EIF3H: variants seen among roughly 807,000 people sequenced by gnomAD.
EIF3H encodes the protein eIF-3-gamma.
A neutral mutation model predicts 44.2 loss-of-function variants in EIF3H; 26 were observed. The ratio of observed to expected loss-of-function variants is 0.59; its 90% CI spans 0.43 to 0.82. The LOEUF (loss-of-function observed/expected upper bound fraction) is 0.82. Among genes scored for constraint, EIF3H ranks in the 40% least tolerant of loss-of-function variants. EIF3H has a pLI of 0.00. For synonymous variants in EIF3H, 166 were observed against 151.9 expected (o/e 1.09, Z -0.68); for missense variants, 359 against 432.8 (o/e 0.83, Z 1.51).
intron 1 of EIF3H, among the ~76,000 whole-genome samples, chr8:116,727,283 A>G (rs1476409845): frequency 1.3e-5 from 2 of 152,200 alleles, no homozygotes; most frequent in African/African-American, 2.4e-5. Flanking sequence ...ACGAAGCTAA[A>G]AAAAGGCAGC....
intron 7 of EIF3H, 99 bp from the exon 8 acceptor site, chr8:116,645,202 C>A: frequency 2.3e-6 from 2 of 861,372 alleles, no homozygotes; most frequent in Non-Finnish European, 3.7e-6. Flanking sequence ...AACAGAATCA[C>A]CTGTTTATTG....
chr8:116,761,266 C>T (rs1479231262), intron 1 of EIF3H, among the ~76,000 whole-genome samples: 2 of 152,096 alleles, frequency 1.3e-5, no homozygotes, highest in Non-Finnish European at 2.9e-5. Context: ...AATCCCAGCA[C>T]TTTAGGAGGC....
At position 116,642,909 on chromosome 8, in the gene EIF3H, CAT is replaced by C. The variant is rs1431026906; in HGVS notation, c.*2095_*2096del. 5 of 152,268 alleles carry C rather than the reference CAT, an allele frequency of 3.3e-5. No individual in the cohort carries two copies. The highest frequency in any genetic ancestry group is 7.3e-5 in the Non-Finnish European group (5 of 68,030). 9.4% of individuals were successfully genotyped at this position (152,268 alleles called of 1,614,324 possible). A position where few individuals can be genotyped will look rare whatever the true frequency, so the allele number is the denominator to read the frequency against. Reference sequence around the variant, plus strand: ...TGAAATCTTTCATTAAGTGTGTATTCATGTTACCAAGATATAGAAATCTAAAC... The same window carrying C: ...TGAAATCTTTCATTAAGTGTGTATTCGTTACCAAGATATAGAAATCTAAAC... On this transcript the variant is annotated 3_prime_UTR_variant, in exon 8 of 8. Coordinates refer to ENST00000521861, the MANE Select transcript of EIF3H (RefSeq NM_003756.3).
At position 116,656,005 on chromosome 8, in the gene EIF3H, T is replaced by C; in HGVS notation, c.558A>G (p.Ala186=). The part of the protein sequence containing the change: ...VCKEKDFSPE[A]LKKANITFEY... ...CAAAGGTGATATTTGCTTTTTTCAA[T>C]CTGTGAAGCATGTTAAAAATACTTT... Residue 186 remains alanine, a splice_region_variant and synonymous_variant, in exon 5 of 8, where the codon GCA becomes GCG. Coordinates refer to ENST00000521861, the MANE Select transcript of EIF3H (RefSeq NM_003756.3). 1.2e-6 allele frequency: 2 copies of C among 1,613,032 alleles called. No individual in the cohort carries two copies. Among genetic ancestry groups the C allele is most frequent in the Non-Finnish European group, 1.7e-6 (2 of 1,179,488 alleles).
chr8:116,694,763 T>A (rs562639526), intron 2 of EIF3H, among the ~76,000 whole-genome samples: 1 of 152,212 alleles, frequency 6.6e-6, no homozygotes, highest in Non-Finnish European at 1.5e-5. Context: ...CTATAACTTC[T>A]ACCAAAAGAA....
chr8:116,699,763 G>A (rs1365043932), intron 2 of EIF3H, among the ~76,000 whole-genome samples: 4 of 151,950 alleles, frequency 2.6e-5, no homozygotes, highest in Non-Finnish European at 5.9e-5. Context: ...CTCTTCTAAA[G>A]GTGAGGGTCT....
chr8:116,683,696 T>C (rs1814028913), intron 2 of EIF3H, among the ~76,000 whole-genome samples: 2 of 152,192 alleles, frequency 1.3e-5, no homozygotes, highest in South Asian at 4.1e-4. Context: ...TTGATATCAA[T>C]ATTCACAAAA....
intron 2 of EIF3H, among the ~76,000 whole-genome samples, chr8:116,660,382 AGT>A (rs1813566003): frequency 6.6e-6 from 1 of 152,220 alleles, no homozygotes; most frequent in Admixed American, 6.5e-5. Context: ...AGTATAAAAG[AGT>A]GTTCCTCAGA....
intron 2 of EIF3H, among the ~76,000 whole-genome samples, chr8:116,675,218 C>A (rs1465995784): frequency 6.6e-6 from 1 of 152,178 alleles, no homozygotes; most frequent in Non-Finnish European, 1.5e-5. Context: ...ACTCAAGCAA[C>A]CAATAAAACC....
chr8:116,709,904 C>T (rs1814545114), intron 2 of EIF3H, among the ~76,000 whole-genome samples: 1 of 152,150 alleles, frequency 6.6e-6, no homozygotes, highest in African/African-American at 2.4e-5. Flanking sequence ...CCATAGGTAC[C>T]AGGACATTGA....
chr8:116,717,041 G>C (rs1028903415), intron 2 of EIF3H, among the ~76,000 whole-genome samples: 18 of 151,954 alleles, frequency 1.2e-4, no homozygotes, highest in Non-Finnish European at 1.3e-4. Flanking sequence ...GAAATGCAAT[G>C]GGTCTTTACC....
intron 2 of EIF3H, among the ~76,000 whole-genome samples, chr8:116,687,138 TTCA>T (rs2130854188): frequency 6.6e-6 from 1 of 152,268 alleles, no homozygotes; most frequent in South Asian, 2.1e-4. Flanking sequence ...ACTGCAGTAA[TTCA>T]TGCACAAGAT....
chr8:116,663,553 GA>G (rs1450988349), intron 2 of EIF3H, among the ~76,000 whole-genome samples: 5 of 152,268 alleles, frequency 3.3e-5, no homozygotes, highest in Admixed American at 1.3e-4. Context: ...GGACTTAGTA[GA>G]AAAGAACCTT....
At chr8:116,755,832 G>C (rs746300235), upstream of EIF3H, 3 of 1,608,428 alleles carry the variant, frequency 1.9e-6, no homozygotes, top group Non-Finnish European at 2.5e-6. Context: ...AGAAACGTGA[G>C]TTACCGGAAG....
At chr8:116,755,644 G>C (rs1340234702) in intron 1 of EIF3H, 22 bp downstream of exon 1, 1 of 1,613,698 alleles carries the variant, frequency 6.2e-7, no homozygotes, top group Non-Finnish European at 8.5e-7. Context: ...ACGTGGGCCA[G>C]AGGAAAAAGA....
intron 1 of EIF3H, among the ~76,000 whole-genome samples, chr8:116,752,520 C>T (rs2130990603): frequency 6.6e-6 from 1 of 151,688 alleles, no homozygotes; most frequent in Non-Finnish European, 1.5e-5. Flanking sequence ...AAGGATACAC[C>T]TGAGGCCTAG....
intron 2 of EIF3H, among the ~76,000 whole-genome samples, chr8:116,679,991 G>T (rs1813944159): frequency 6.7e-5 from 1 of 14,912 alleles, no homozygotes; most frequent in Non-Finnish European, 1.7e-4. Context: ...ACTGGGAAGT[G>T]AGGAGCCCCT....
intron 2 of EIF3H, among the ~76,000 whole-genome samples, chr8:116,712,334 G>A (rs529974077): frequency 6.6e-6 from 1 of 152,254 alleles, no homozygotes; most frequent in South Asian, 2.1e-4. Context: ...TAGAATAATT[G>A]TATGGCCCTC....
Position 116,644,666 on chromosome 8 carries a change from GTGGGT to G in EIF3H, c.*335_*339del. 1 of 206,846 alleles carries G rather than the reference GTGGGT, an allele frequency of 4.8e-6. No individual in the cohort carries two copies. The highest frequency in any genetic ancestry group is 1.4e-4 in the South Asian group (1 of 7,362). The allele number at this position is 206,846 out of a possible 1,614,324, so 12.8% of individuals were successfully genotyped here. ...GAGCTGGGATAAGTAGTTGGGAGAA[GTGGGT>G]TGAAAGGTGGCACCTGAGAGGCAGC... On this transcript the variant is annotated 3_prime_UTR_variant, in exon 8 of 8. Coordinates refer to ENST00000521861, the MANE Select transcript of EIF3H (RefSeq NM_003756.3).
Sources: gnomAD v4.1 joint callset for allele counts (sites outside exome capture counted in the v4.1 genomes callset) on GRCh38, gnomAD v4.1.1 for gene constraint, MANE v1.5 for transcripts, NCBI Gene and HGNC (gene_info 2026-07-23, HGNC 2026-07-21) for gene names.